NUDT19: variants seen among roughly 807,000 people sequenced by gnomAD.
NUDT19 encodes nudix hydrolase 19.
NUDT19 carries 31 observed loss-of-function variants against 22.2 expected under a neutral mutation model. The observed-to-expected ratio is 1.40, with a 90% CI of 1.05 to 1.89. NUDT19 has a LOEUF of 1.89. Ranked by LOEUF, NUDT19 falls within the 40% of genes most tolerant of loss-of-function variation. NUDT19 has a pLI of 0.00. For missense variants in NUDT19, 752 were observed against 514.2 expected (o/e 1.46, Z -4.47); for synonymous variants, 325 against 230.8 (o/e 1.41, Z -3.70).
chr19:32,697,895 A>G (rs1405053608), intron 1 of NUDT19, among the ~76,000 whole-genome samples: 4 of 152,140 alleles, frequency 2.6e-5, no homozygotes, highest in Non-Finnish European at 5.9e-5. Flanking sequence ...GGGAACATGT[A>G]CCTAGGTTGG....
chr19:32,693,030 ATTTTTAT>A (rs1968219622), intron 1 of NUDT19, among the ~76,000 whole-genome samples: 1 of 152,084 alleles, frequency 6.6e-6, no homozygotes, highest in Non-Finnish European at 1.5e-5. Flanking sequence ...CAGTCTTCCT[ATTTTTAT>A]TTATTTTTGG....
At chr19:32,710,257 G>T (rs1173647731) in intron 2 of NUDT19, among the ~76,000 whole-genome samples, 2 of 150,032 alleles carry the variant, frequency 1.3e-5, no homozygotes, top group Non-Finnish European at 3.0e-5. Context: ...CAGGTGATCC[G>T]CCCGCCTCAG....
chr19:32,707,879 G>A (rs1968403903), intron 1 of NUDT19, among the ~76,000 whole-genome samples: 1 of 151,808 alleles, frequency 6.6e-6, no homozygotes, highest in Non-Finnish European at 1.5e-5. Flanking sequence ...TCGGGAGGCT[G>A]AGGCAGGAGA....
At position 32,692,263 on chromosome 19, in the gene NUDT19, C is replaced by G; in HGVS notation, c.303C>G (p.Phe101Leu). 6.3e-7 allele frequency: 1 copy of G among 1,592,276 alleles called. No homozygotes were observed. The highest frequency in any genetic ancestry group is 1.7e-5 in the Admixed American group (1 of 59,704). ...CGGCGCCATTCAGCCGCACCGCTTT[C>G]CCGTCGCTGCCCGACACCGATGACC... ...LGPAPFSRTA[F>L]PSLPDTDDHK... Residue 101 changes from phenylalanine (F) to leucine (L), a missense_variant, in exon 1 of 3, where the codon TTC becomes TTG. Coordinates refer to ENST00000397061, the MANE Select transcript of NUDT19 (RefSeq NM_001105570.2).
chr19:32,696,704 C>G (rs1338992932), intron 1 of NUDT19, among the ~76,000 whole-genome samples: 2 of 152,156 alleles, frequency 1.3e-5, no homozygotes, highest in African/African-American at 4.8e-5. Flanking sequence ...GCAAAGTCTC[C>G]CAATTACAAC....
chr19:32,701,351 G>T lies in NUDT19; in HGVS notation c.715-7834G>T, dbSNP rs193078529. On this transcript the variant is annotated intron_variant, in intron 1 of 2. Transcript: ENST00000397061. ...CTCCCAAGCAGCTGGGATTACGGGC[G>T]CCTGCCACCATGCCTAGCTAATTTT... Among the ~76,000 whole-genome samples, 7 of 151,890 alleles carry T rather than the reference G, an allele frequency of 4.6e-5. No individual in the cohort carries two copies. The East Asian group carries it at 1.4e-3, about 29-fold the overall frequency.
Position 32,692,249 on chromosome 19 carries a change from A to G in NUDT19, c.289A>G (p.Ser97Gly), listed in dbSNP as rs199518818. The change falls in exon 1 of 3, where the codon AGC becomes GGC. Residue 97 changes from serine (S) to glycine (G), a missense_variant. Coordinates refer to ENST00000397061, the MANE Select transcript of NUDT19 (RefSeq NM_001105570.2). Reference protein sequence around the residue: ...PRFGLGPAPFSRTAFPSLPDT... With the variant: ...PRFGLGPAPFGRTAFPSLPDT... ...CTTCGGCCTGGGCCCGGCGCCATTCAGCCGCACCGCTTTCCCGTCGCTGCC... is the reference window on the plus strand; with the variant it reads ...CTTCGGCCTGGGCCCGGCGCCATTCGGCCGCACCGCTTTCCCGTCGCTGCC... 10 of 1,591,500 alleles carry G rather than the reference A, an allele frequency of 6.3e-6. No homozygotes were observed. The highest frequency in any genetic ancestry group is 2.7e-5 in the African/African-American group (2 of 73,632).
intron 2 of NUDT19, among the ~76,000 whole-genome samples, chr19:32,710,451 G>T (rs190596476): frequency 1.3e-5 from 2 of 148,738 alleles, no homozygotes; most frequent in Non-Finnish European, 3.0e-5. Context: ...AATTAGCCAG[G>T]CATGGTGGCA....
rs187425727 is a variant in NUDT19 at position 32,694,720 on chromosome 19, A to G, written c.714+2046A>G. Reference sequence around the variant, plus strand: ...TGAAAACCTTAAGTTTGGGATTTCAATTATTCTTTGCTATTAATAAGACCT... The same window carrying G: ...TGAAAACCTTAAGTTTGGGATTTCAGTTATTCTTTGCTATTAATAAGACCT... On this transcript the variant is annotated intron_variant, in intron 1 of 2. Coordinates refer to ENST00000397061, the MANE Select transcript of NUDT19 (RefSeq NM_001105570.2). Among the ~76,000 whole-genome samples the G allele has an allele frequency of 7.2e-3, 1,099 of 152,288 alleles. 11 individuals carry two copies. The highest frequency in any genetic ancestry group is 0.022 in the African/African-American group (915 of 41,570).
At chr19:32,698,294 GA>G (rs1047053015) in intron 1 of NUDT19, among the ~76,000 whole-genome samples, 1 of 152,052 alleles carries the variant, frequency 6.6e-6, no homozygotes. Context: ...CTGTAGTATA[GA>G]AAAAAATGAG....
intron 1 of NUDT19, among the ~76,000 whole-genome samples, chr19:32,696,755 G>C (rs1298387236): frequency 1.3e-5 from 2 of 152,196 alleles, no homozygotes; most frequent in Non-Finnish European, 2.9e-5. Flanking sequence ...CCTGTCCCAG[G>C]ATTCCTCGGA....
rs554428855 is a variant in NUDT19, at chr19:32,693,424, C to T, written c.714+750C>T. Among the ~76,000 whole-genome samples the T allele has an allele frequency of 4.6e-4, 70 of 152,200 alleles. No individual in the cohort carries two copies. The Middle Eastern group carries it at 0.01, about 22-fold the overall frequency. ...CTGCAGACATTTGTGGTCAGTGTTA[C>T]AGCTTATAAAGGTAGTGCGGACCCA... On this transcript the variant is annotated intron_variant, in intron 1 of 2. Transcript: ENST00000397061.
chr19:32,695,201 A>C (rs552959423), intron 1 of NUDT19, among the ~76,000 whole-genome samples: 2 of 152,162 alleles, frequency 1.3e-5, no homozygotes, highest in East Asian at 3.9e-4. Flanking sequence ...TTTTTTGGAG[A>C]TGGAGTCTTG....
chr19:32,709,084 T>C lies in NUDT19; in HGVS notation c.715-101T>C, dbSNP rs1968418121. The C allele has an allele frequency of 1.0e-5, 8 of 799,058 alleles. No homozygotes were observed. In the South Asian group the frequency reaches 1.1e-4, roughly 11 times the overall value. 49.5% of individuals were successfully genotyped at this position (799,058 alleles called of 1,614,324 possible). On this transcript the variant is annotated intron_variant, in intron 1 of 2. Coordinates refer to ENST00000397061, the MANE Select transcript of NUDT19 (RefSeq NM_001105570.2). ...CTCACAGGGCGCATTAATGAATTCA[T>C]TTTACACATTCAGTTCTACCTTAGG...
At chr19:32,699,439 G>A (rs763537461) in intron 1 of NUDT19, among the ~76,000 whole-genome samples, 15 of 152,240 alleles carry the variant, frequency 9.9e-5, no homozygotes, top group South Asian at 2.1e-4. Flanking sequence ...GGCTTTCCTC[G>A]CTGTCGACCC....
chr19:32,692,136 C>A lies in NUDT19; in HGVS notation c.176C>A (p.Ala59Glu). 1 of 1,484,438 alleles carries A rather than the reference C, an allele frequency of 6.7e-7. No individual in the cohort carries two copies. Among genetic ancestry groups the A allele is most frequent in the Non-Finnish European group, 8.9e-7 (1 of 1,126,618 alleles). 92.0% of individuals were successfully genotyped at this position (1,484,438 alleles called of 1,614,324 possible). The change falls in exon 1 of 3, where the codon GCG becomes GAG. Residue 59 changes from alanine to glutamate, a missense_variant. Ala to Glu is a moderately radical substitution (Grantham distance 107). Coordinates refer to ENST00000397061, the MANE Select transcript of NUDT19 (RefSeq NM_001105570.2). The stretch of plus-strand genomic sequence containing the variant: ...CCGCACCAAGGCTTCATGCCGGGCG[C>A]GCACGTCTTCTCCGGCGGAGTGCTG... ...RSPHQGFMPG[A>E]HVFSGGVLDA...
chr19:32,696,161 A>G (rs1161231991), intron 1 of NUDT19, among the ~76,000 whole-genome samples: 1 of 152,212 alleles, frequency 6.6e-6, no homozygotes, highest in Non-Finnish European at 1.5e-5. Context: ...CCACACATGT[A>G]TGCACTTGAA....
intron 1 of NUDT19, among the ~76,000 whole-genome samples, chr19:32,704,585 T>G (rs1361098926): frequency 6.6e-6 from 1 of 152,204 alleles, no homozygotes; most frequent in Admixed American, 6.5e-5. Flanking sequence ...TTTTTATTTC[T>G]TTCATCATGT....
chr19:32,697,557 C>T (rs1368991327), intron 1 of NUDT19, among the ~76,000 whole-genome samples: 1 of 152,154 alleles, frequency 6.6e-6, no homozygotes, highest in African/African-American at 2.4e-5. Flanking sequence ...CGACTCCAGT[C>T]CCCATGATCT....
Sources: gnomAD v4.1 joint callset for allele counts (sites outside exome capture counted in the v4.1 genomes callset) on GRCh38, gnomAD v4.1.1 for gene constraint, MANE v1.5 for transcripts, NCBI Gene and HGNC (gene_info 2026-07-23, HGNC 2026-07-21) for gene names.